Variants in WDR25 observed in about 807,000 individuals in gnomAD.
The protein encoded by WDR25 is WD repeat domain 25, also known as WD repeat-containing protein 25.
In WDR25, 35 loss-of-function variants were observed where a neutral mutation model predicts 47.7. The ratio of observed to expected loss-of-function variants is 0.73; its 90% CI spans 0.56 to 0.97. The LOEUF (loss-of-function observed/expected upper bound fraction) is 0.97, where lower values mean the gene tolerates loss of function less well. Among genes scored for constraint, WDR25 ranks in the 50% least tolerant of loss-of-function variants. The pLI is 0.00. For synonymous variants in WDR25, 248 were observed against 278.9 expected, an observed-to-expected ratio of 0.89 and a Z score of 1.10; for missense variants, 634 against 704.7, an observed-to-expected ratio of 0.90 and a Z score of 1.14.
At chr14:100,387,797 C>T (rs1372858146) in intron 2 of WDR25, among the ~76,000 whole-genome samples, 3 of 152,364 alleles carry the variant, frequency 2.0e-5, no homozygotes, top group Admixed American at 6.5e-5. Flanking sequence ...GATGGAAAAG[C>T]GCATCCCCTT....
intron 2 of WDR25, among the ~76,000 whole-genome samples, chr14:100,441,140 T>G (rs1245079387): frequency 6.6e-6 from 1 of 152,100 alleles, no homozygotes; most frequent in African/African-American, 2.4e-5. Flanking sequence ...GGCTTAGGTT[T>G]CCAGAACACT....
intron 2 of WDR25, among the ~76,000 whole-genome samples, chr14:100,459,919 TATATATATATATATATATATACAC>T (rs1184917734): frequency 9.7e-6 from 1 of 103,156 alleles, no homozygotes; most frequent in South Asian, 3.0e-4. Context: ...TATATATATA[TATATATATATATATATATATACAC>T]ATACACATAC....
At position 100,526,005 on chromosome 14, in the gene WDR25, C is replaced by T. The variant is rs367815944; in HGVS notation, c.1237C>T (p.Arg413Trp). Residue 413 changes from arginine (R) to tryptophan (W), a missense_variant, in exon 5 of 7, where the codon CGG (arginine) becomes TGG (tryptophan). By Grantham distance (101) the Arg-to-Trp change is moderately radical. Transcript: ENST00000402312. ...CCGCACCATTATTGCCTGGGATTTC[C>T]GGACCTCTGCCAAAATCTCCAACCA... ...ADRTIIAWDF[R>W]TSAKISNQIF... is the part of the protein sequence containing the mutation. 9.2e-5 allele frequency: 149 copies of T among 1,613,994 alleles called. 1 individual carries two copies. Among genetic ancestry groups the T allele is most frequent in the Middle Eastern group, 4.9e-4 (3 of 6,084 alleles).
At chr14:100,378,449 G>A (rs1460265146) in intron 1 of WDR25, among the ~76,000 whole-genome samples, 1 of 152,190 alleles carries the variant, frequency 6.6e-6, no homozygotes, top group Non-Finnish European at 1.5e-5. Flanking sequence ...TTACAGGCAT[G>A]AGCCACTATG....
At chr14:100,501,113 G>GT (rs1428270210) in intron 4 of WDR25, among the ~76,000 whole-genome samples, 3 of 152,186 alleles carry the variant, frequency 2.0e-5, no homozygotes, top group African/African-American at 7.2e-5. Context: ...AGGCCATGGA[G>GT]TAGGTGTGAC....
At chr14:100,485,875 T>C (rs8016894) in intron 4 of WDR25, among the ~76,000 whole-genome samples, 7,250 of 152,114 alleles carry the variant, frequency 0.048, 443 homozygotes, top group African/African-American at 0.14. Flanking sequence ...TGACAGAGAA[T>C]GGGAAGTTTT....
chr14:100,517,026 GCTCAAGCAGTC>G (rs1336614818), intron 4 of WDR25, among the ~76,000 whole-genome samples: 2 of 150,012 alleles, frequency 1.3e-5, no homozygotes, highest in African/African-American at 2.5e-5. Flanking sequence ...GACCTTCTGG[GCTCAAGCAGTC>G]CTCCCACTTC....
At position 100,426,568 on chromosome 14, in the gene WDR25, A is replaced by G. The variant is rs111599656; in HGVS notation, c.823-41453A>G. 3.5e-3 allele frequency among the ~76,000 whole-genome samples: 534 copies of G among 152,356 alleles called. 1 individual carries two copies. Among genetic ancestry groups the G allele is most frequent in the Middle Eastern group, 0.01 (3 of 294 alleles). ...CAAGTGTTCTCCGCGTATTTTGCGC[A>G]GGATTGGAAGGCGGATTAGAGCCGA... is the stretch of plus-strand genomic sequence containing the variant. On this transcript the variant is annotated intron_variant, in intron 2 of 6. Coordinates refer to ENST00000402312, the MANE Select transcript of WDR25 (RefSeq NM_001161476.3).
At chr14:100,466,716 A>T (rs1899641417) in intron 2 of WDR25, among the ~76,000 whole-genome samples, 1 of 151,568 alleles carries the variant, frequency 6.6e-6, no homozygotes, top group African/African-American at 2.4e-5. Flanking sequence ...CTCCGTTCTG[A>T]CTCCCACACG....
In WDR25 at chr14:100,468,397, A is replaced by G. The variant is rs1012932438; in HGVS notation, c.970+229A>G. On this transcript the variant is annotated intron_variant, in intron 3 of 6. Coordinates refer to ENST00000402312, the MANE Select transcript of WDR25 (RefSeq NM_001161476.3). This position sits in a 1 kb window ranked among gnomAD's most constrained non-coding sequence, Gnocchi z 4.5. ...AGCCAACACAGAGGACAGAGCCCCA[A>G]GGTTGTCTCAGCCTCAAGCCATGGG... Among the ~76,000 whole-genome samples the G allele has an allele frequency of 2.6e-5, 4 of 152,222 alleles. No homozygotes were observed. Among genetic ancestry groups the G allele is most frequent in the Non-Finnish European group, 5.9e-5 (4 of 68,038 alleles).
At chr14:100,464,169 G>A (rs756834418) in intron 2 of WDR25, among the ~76,000 whole-genome samples, 1 of 152,098 alleles carries the variant, frequency 6.6e-6, no homozygotes, top group Admixed American at 6.5e-5. Flanking sequence ...AGCTGCAGTG[G>A]CCCTTCTTGC....
At chr14:100,483,919 T>C in intron 3 of WDR25, 75 bp from the exon 4 acceptor site, 2 of 1,514,856 alleles carry the variant, frequency 1.3e-6, no homozygotes, top group Non-Finnish European at 1.8e-6. Flanking sequence ...CCATACCAGA[T>C]GGCATCTTAG....
In WDR25 at chr14:100,381,043, C is replaced by G; in HGVS notation, c.119C>G (p.Ser40Cys). Residue 40 changes from serine (S) to cysteine (C), a missense_variant, in exon 2 of 7, where the codon TCT (serine) becomes TGT (cysteine). By Grantham distance (112) the Ser-to-Cys change is moderately radical. Transcript: ENST00000402312. ...FNATGQQKDT[S>C]GVARPPGQDF... ...GCTACCGGCCAGCAGAAAGACACTTCTGGTGTGGCCAGACCACCTGGGCAG... is the reference window on the plus strand; with the variant it reads ...GCTACCGGCCAGCAGAAAGACACTTGTGGTGTGGCCAGACCACCTGGGCAG... 6.2e-7 allele frequency: 1 copy of G among 1,614,252 alleles called. No homozygotes were observed. Among genetic ancestry groups the G allele is most frequent in the Non-Finnish European group, 8.5e-7 (1 of 1,180,046 alleles).
chr14:100,390,753 T>A (rs1363237387), intron 2 of WDR25, among the ~76,000 whole-genome samples: 1 of 152,146 alleles, frequency 6.6e-6, no homozygotes, highest in African/African-American at 2.4e-5. Flanking sequence ...TGTGCCGCTC[T>A]TTTTGGGGGC....
intron 2 of WDR25, among the ~76,000 whole-genome samples, chr14:100,455,693 A>G (rs1489685307): frequency 6.6e-6 from 1 of 152,232 alleles, no homozygotes; most frequent in East Asian, 1.9e-4. Context: ...TAATCATGTG[A>G]AAAACTACTC....
At chr14:100,486,507 G>A (rs942751272) in intron 4 of WDR25, among the ~76,000 whole-genome samples, 1 of 152,104 alleles carries the variant, frequency 6.6e-6, no homozygotes, top group Non-Finnish European at 1.5e-5. Flanking sequence ...GGCTCGTTCC[G>A]TTTGCATCAG....
intron 1 of WDR25, among the ~76,000 whole-genome samples, chr14:100,380,275 T>C (rs1896848568): frequency 6.6e-6 from 1 of 151,796 alleles, no homozygotes; most frequent in East Asian, 1.9e-4. Context: ...CTCGAACTCC[T>C]CACCTCAAGT....
At position 100,529,508 on chromosome 14, in the gene WDR25, C is replaced by T. The variant is rs2030371427; in HGVS notation, c.1413+300C>T. On this transcript the variant is annotated intron_variant, in intron 6 of 6. Coordinates refer to ENST00000402312, the MANE Select transcript of WDR25 (RefSeq NM_001161476.3). This position sits in a 1 kb window ranked among gnomAD's most constrained non-coding sequence, Gnocchi z 5.1. ...ATGGGTGTCATTTCTGCATCCTTCC[C>T]TTTCCTCACTGAGGCCAAGCCTTGC... 1 of 591,068 alleles carries T rather than the reference C, an allele frequency of 1.7e-6. No homozygotes were observed. Among genetic ancestry groups the T allele is most frequent in the Non-Finnish European group, 3.0e-6 (1 of 334,080 alleles). The allele number at this position is 591,068 out of a possible 1,614,324, so 36.6% of individuals were successfully genotyped here. A position where few individuals can be genotyped will look rare whatever the true frequency, so the allele number is the denominator to read the frequency against.
chr14:100,478,044 T>C (rs1402357821), intron 3 of WDR25, among the ~76,000 whole-genome samples: 1 of 152,038 alleles, frequency 6.6e-6, no homozygotes, highest in African/African-American at 2.4e-5. Context: ...GTGAGCCGGA[T>C]AGCACCACTG....
Sources: allele counts gnomAD v4.1 joint callset (sites outside exome capture counted in the v4.1 genomes callset), GRCh38; gene constraint gnomAD v4.1.1; non-coding constraint Gnocchi (gnomAD v3.1); transcripts MANE v1.5; gene names NCBI Gene and HGNC (gene_info 2026-07-23, HGNC 2026-07-21).